Variants in NSL1 observed in about 807,000 individuals in gnomAD.
NSL1 encodes kinetochore-associated protein NSL1 homolog.
In NSL1, 11 loss-of-function variants were observed where a neutral mutation model predicts 25.4. The ratio of observed to expected loss-of-function variants is 0.43; its 90% CI spans 0.27 to 0.72. The LOEUF is 0.72. Among genes scored for constraint, NSL1 ranks in the 30% least tolerant of loss-of-function variants. The pLI is 0.19. For missense variants in NSL1, 330 were observed against 342.7 expected, an observed-to-expected ratio of 0.96 and a Z score of 0.29; for synonymous variants, 118 against 120.6, an observed-to-expected ratio of 0.98 and a Z score of 0.14.
intron 4 of NSL1, among the ~76,000 whole-genome samples, chr1:212,779,515 T>A (rs1332080638): frequency 3.5e-5 from 3 of 85,488 alleles, no homozygotes; most frequent in Non-Finnish European, 4.6e-5. Flanking sequence ...GGTGGGGGGG[T>A]CAGCCCCCCG....
At chr1:212,789,361 G>A (rs557961014) in intron 1 of NSL1, among the ~76,000 whole-genome samples, 10 of 152,092 alleles carry the variant, frequency 6.6e-5, no homozygotes, top group Non-Finnish European at 1.2e-4. Flanking sequence ...ACAGGCAAGC[G>A]CCATCACACC....
chr1:212,787,771 T>G (rs981027005), intron 1 of NSL1, 134 bp from the exon 2 acceptor site: 6 of 495,876 alleles, frequency 1.2e-5, no homozygotes, highest in Admixed American at 4.1e-5. Flanking sequence ...AGTATATCTA[T>G]TCTTTTCAAT....
chr1:212,728,749 C>A lies in NSL1; in HGVS notation c.*9659G>T. On this transcript the variant is annotated 3_prime_UTR_variant, in exon 6 of 6. Transcript: ENST00000366977. ...CATCAGGGATAAACCTGATCACCGT[C>A]CCCTTTGTTGCCACATCTCGCAGCT... The A allele has an allele frequency of 1.0e-6, 1 of 985,384 alleles. No individual in the cohort carries two copies. Among genetic ancestry groups the A allele is most frequent in the Non-Finnish European group, 1.2e-6 (1 of 829,922 alleles). 61.0% of individuals were successfully genotyped at this position (985,384 alleles called of 1,614,324 possible).
intron 4 of NSL1, among the ~76,000 whole-genome samples, chr1:212,772,434 T>A (rs1345857673): frequency 6.6e-6 from 1 of 151,754 alleles, no homozygotes; most frequent in Non-Finnish European, 1.5e-5. Context: ...CTGAGGCAGG[T>A]GGATCATTTG....
In NSL1 at chr1:212,791,630, G is replaced by T. The variant is rs916361376; in HGVS notation, c.134C>A (p.Ala45Asp). ...DFRVRCTSKR[A>D]VTEMLQLCGR... ...GCACAGTTGTAGCATTTCGGTCACA[G>T]CCCGCTTCGAGGTGCAGCGCACCCG... The change falls in exon 1 of 6, where the codon GCT becomes GAT. Residue 45 changes from alanine (A) to aspartate (D), a missense_variant. Physicochemically the swap from Ala to Asp is moderately radical, Grantham distance 126. Transcript: ENST00000366977. 6.2e-7 allele frequency: 1 copy of T among 1,613,782 alleles called. No individual in the cohort carries two copies. Among genetic ancestry groups the T allele is most frequent in the African/African-American group, 1.3e-5 (1 of 74,896 alleles).
At chr1:212,772,760 AAAT>A (rs929697701) in intron 4 of NSL1, among the ~76,000 whole-genome samples, 5 of 152,188 alleles carry the variant, frequency 3.3e-5, no homozygotes, top group African/African-American at 1.2e-4. Context: ...TACTGAACCA[AAAT>A]AATAAAGCTG....
intron 4 of NSL1, among the ~76,000 whole-genome samples, chr1:212,743,260 G>T (rs1240737459): frequency 1.3e-5 from 2 of 151,988 alleles, no homozygotes; most frequent in Non-Finnish European, 2.9e-5. Context: ...TACCTCCCAG[G>T]TTCAAGTGAT....
chr1:212,732,178 TA>T lies in NSL1; in HGVS notation c.*6229del. On this transcript the variant is annotated 3_prime_UTR_variant, in exon 6 of 6. Coordinates refer to ENST00000366977, the MANE Select transcript of NSL1 (RefSeq NM_015471.4). ...CCTCTACTGTAGTGAATAACTGCCTTATTTTTTGTTTCTTTGAACATCTTAA... is the reference window on the plus strand; with the variant it reads ...CCTCTACTGTAGTGAATAACTGCCTTTTTTTTGTTTCTTTGAACATCTTAA... 3.0e-6 allele frequency: 3 copies of T among 984,846 alleles called. No individual in the cohort carries two copies. The highest frequency in any genetic ancestry group is 3.6e-6 in the Non-Finnish European group (3 of 829,444). 61.0% of individuals were successfully genotyped at this position (984,846 alleles called of 1,614,324 possible). A position where few individuals can be genotyped will look rare whatever the true frequency, so the allele number is the denominator to read the frequency against.
intron 4 of NSL1, among the ~76,000 whole-genome samples, chr1:212,748,895 G>C (rs1658930624): frequency 6.6e-6 from 1 of 152,070 alleles, no homozygotes; most frequent in Non-Finnish European, 1.5e-5. Flanking sequence ...CCCCAATTGT[G>C]AATATTTTTA....
Position 212,733,218 on chromosome 1 carries a change from G to A in NSL1, c.*5190C>T, listed in dbSNP as rs1394549632. Among the ~76,000 whole-genome samples, 2 of 152,014 alleles carry A rather than the reference G, an allele frequency of 1.3e-5. No individual in the cohort carries two copies. The highest frequency in any genetic ancestry group is 4.8e-5 in the African/African-American group (2 of 41,388). On this transcript the variant is annotated 3_prime_UTR_variant, in exon 6 of 6. Coordinates refer to ENST00000366977, the MANE Select transcript of NSL1 (RefSeq NM_015471.4). Reference sequence around the variant, plus strand: ...TTTGGGAGGCAGAGGTGGGCGGATCGCTTGAGCTCACGAGTTTGAGACCAG... The same window carrying A: ...TTTGGGAGGCAGAGGTGGGCGGATCACTTGAGCTCACGAGTTTGAGACCAG...
At position 212,729,945 on chromosome 1, in the gene NSL1, AT is replaced by A. The variant is rs113434922; in HGVS notation, c.*8462del. ...GTGGAGGAACTAAACCTCCGGAAGG[AT>A]TTTTTTTTTTAAGAATGAAATGGGC... On this transcript the variant is annotated 3_prime_UTR_variant, in exon 6 of 6. Transcript: ENST00000366977. 4,222 of 710,754 alleles carry A rather than the reference AT, an allele frequency of 5.9e-3. No homozygotes were observed. The highest frequency in any genetic ancestry group is 7.2e-3 in the Middle Eastern group (10 of 1,398). The allele number at this position is 710,754 out of a possible 1,614,324, so 44.0% of individuals were successfully genotyped here.
chr1:212,776,094 C>T (rs1369365890), intron 4 of NSL1, among the ~76,000 whole-genome samples: 6 of 152,116 alleles, frequency 3.9e-5, no homozygotes, highest in Admixed American at 2.6e-4. Context: ...GGATTACAGG[C>T]GTGAGCCACT....
intron 4 of NSL1, among the ~76,000 whole-genome samples, chr1:212,778,637 G>C (rs1660501186): frequency 6.6e-6 from 1 of 152,192 alleles, no homozygotes; most frequent in Non-Finnish European, 1.5e-5. Flanking sequence ...CTAACCGCGA[G>C]TGATCTGCCA....
chr1:212,757,301 GGGA>G (rs1659361609), intron 4 of NSL1, among the ~76,000 whole-genome samples: 1 of 152,096 alleles, frequency 6.6e-6, no homozygotes, highest in Non-Finnish European at 1.5e-5. Context: ...AATTATAATG[GGGA>G]GCCACTGGAG....
chr1:212,751,353 T>C (rs1659058746), intron 4 of NSL1, among the ~76,000 whole-genome samples: 1 of 152,168 alleles, frequency 6.6e-6, no homozygotes. Flanking sequence ...CAGCCTCCTT[T>C]TGTAGGTAAA....
intron 4 of NSL1, among the ~76,000 whole-genome samples, chr1:212,775,200 T>C (rs890596211): frequency 1.3e-5 from 2 of 152,196 alleles, no homozygotes; most frequent in Non-Finnish European, 2.9e-5. Flanking sequence ...TAGTCAGGTC[T>C]ATAGAGATAG....
At chr1:212,743,601 C>T (rs1468973479) in intron 4 of NSL1, among the ~76,000 whole-genome samples, 2 of 151,796 alleles carry the variant, frequency 1.3e-5, no homozygotes, top group East Asian at 3.9e-4. Flanking sequence ...TATAATCACC[C>T]TATCTTAAAA....
In NSL1 at chr1:212,731,033, C is replaced by T; in HGVS notation, c.*7375G>A. The stretch of plus-strand genomic sequence containing the variant: ...CAACGAATTACAAGGGATTCTTTAC[C>T]CCTGAAGCTTCAAATGAATATAACA... On this transcript the variant is annotated 3_prime_UTR_variant, in exon 6 of 6. Coordinates refer to ENST00000366977, the MANE Select transcript of NSL1 (RefSeq NM_015471.4). 1.0e-6 allele frequency: 1 copy of T among 985,294 alleles called. No individual in the cohort carries two copies. The highest frequency in any genetic ancestry group is 4.7e-5 in the South Asian group (1 of 21,278). The allele number at this position is 985,294 out of a possible 1,614,324, so 61.0% of individuals were successfully genotyped here.
At chr1:212,751,594 T>C (rs1442264453) in intron 4 of NSL1, among the ~76,000 whole-genome samples, 2 of 152,232 alleles carry the variant, frequency 1.3e-5, no homozygotes, top group Non-Finnish European at 2.9e-5. Flanking sequence ...ATTAAAACTC[T>C]AGAACAATTA....
Sources: gnomAD v4.1 joint callset for allele counts (sites outside exome capture counted in the v4.1 genomes callset) on GRCh38, gnomAD v4.1.1 for gene constraint, MANE v1.5 for transcripts, NCBI Gene and HGNC (gene_info 2026-07-23, HGNC 2026-07-21) for gene names.